TMEM163: variants seen among roughly 807,000 people sequenced by gnomAD.
TMEM163 encodes transmembrane protein 163.
A neutral mutation model predicts 29.3 loss-of-function variants in TMEM163; 17 were observed. The ratio of observed to expected loss-of-function variants is 0.58; its 90% CI spans 0.40 to 0.87. The LOEUF (loss-of-function observed/expected upper bound fraction) is 0.87. Ranked by LOEUF, TMEM163 falls within the 40% of genes least tolerant of loss-of-function variation. The pLI is 0.00. For missense variants in TMEM163, 303 were observed against 381.5 expected, an observed-to-expected ratio of 0.79 and a Z score of 1.71; for synonymous variants, 157 against 160.6, an observed-to-expected ratio of 0.98 and a Z score of 0.17.
At chr2:134,511,562 G>A (rs1340569875) in intron 4 of TMEM163, among the ~76,000 whole-genome samples, 2 of 152,202 alleles carry the variant, frequency 1.3e-5, no homozygotes, top group Non-Finnish European at 2.9e-5. Context: ...CAGGGACGCT[G>A]GAAGAGGTGA....
At position 134,455,984 on chromosome 2, in the gene TMEM163, A is replaced by G. The variant is rs889905073; in HGVS notation, c.*732T>C. On this transcript the variant is annotated 3_prime_UTR_variant, in exon 8 of 8. Transcript: ENST00000281924. ...ACACAGCATATAGATATATGCATAT[A>G]CGGATAGATTATATTTATTTATTAC... 1 of 152,680 alleles carries G rather than the reference A, an allele frequency of 6.5e-6. No individual in the cohort carries two copies. The highest frequency in any genetic ancestry group is 2.4e-5 in the African/African-American group (1 of 41,430). The allele number at this position is 152,680 out of a possible 1,614,324, so 9.5% of individuals were successfully genotyped here. A position where few individuals can be genotyped will look rare whatever the true frequency, so the allele number is the denominator to read the frequency against.
At chr2:134,635,328 G>C (rs568687594) in intron 2 of TMEM163, among the ~76,000 whole-genome samples, 2 of 152,200 alleles carry the variant, frequency 1.3e-5, no homozygotes, top group Admixed American at 1.3e-4. Flanking sequence ...GCATCCCTGA[G>C]CCACCCCCTC....
At chr2:134,621,771 G>T (rs1047611789) in intron 2 of TMEM163, among the ~76,000 whole-genome samples, 9 of 151,894 alleles carry the variant, frequency 5.9e-5, no homozygotes, top group Non-Finnish European at 1.3e-4. Context: ...GGCGCCTGTA[G>T]TCCCAGCTAC....
chr2:134,574,423 G>A (rs147509956), intron 2 of TMEM163, among the ~76,000 whole-genome samples: 1 of 152,208 alleles, frequency 6.6e-6, no homozygotes, highest in African/African-American at 2.4e-5. Context: ...AGCCAGGTAC[G>A]GTGGCATGCA....
chr2:134,462,484 C>G (rs986095369), intron 6 of TMEM163, among the ~76,000 whole-genome samples: 1 of 152,232 alleles, frequency 6.6e-6, no homozygotes, highest in African/African-American at 2.4e-5. Flanking sequence ...CCCCCATGCC[C>G]CTTCCTCACT....
intron 7 of TMEM163, among the ~76,000 whole-genome samples, chr2:134,457,535 G>A (rs1218122752): frequency 6.6e-6 from 1 of 152,322 alleles, no homozygotes; most frequent in East Asian, 1.9e-4. Context: ...CTCCAGCCTG[G>A]GTGCTGAAGT....
chr2:134,485,499 C>G (rs1679287156), intron 5 of TMEM163, among the ~76,000 whole-genome samples: 1 of 152,152 alleles, frequency 6.6e-6, no homozygotes, highest in African/African-American at 2.4e-5. Flanking sequence ...GTAAGTGAGT[C>G]TGAAGTCCAC....
At chr2:134,710,841 T>A (rs537446766) in intron 2 of TMEM163, among the ~76,000 whole-genome samples, 1 of 150,656 alleles carries the variant, frequency 6.6e-6, no homozygotes, top group South Asian at 2.2e-4. Context: ...AGGCACACAC[T>A]CCAAAACTTC....
chr2:134,471,411 G>A (rs529290474), intron 5 of TMEM163, among the ~76,000 whole-genome samples: 1 of 152,058 alleles, frequency 6.6e-6, no homozygotes, highest in African/African-American at 2.4e-5. Flanking sequence ...GCCACATGAG[G>A]ACACATGAGG....
At chr2:134,493,718 C>T (rs1050776675) in intron 5 of TMEM163, among the ~76,000 whole-genome samples, 9 of 152,144 alleles carry the variant, frequency 5.9e-5, no homozygotes, top group Admixed American at 5.2e-4. Flanking sequence ...AAGATTGCAA[C>T]AATTTTCTCT....
intron 2 of TMEM163, among the ~76,000 whole-genome samples, chr2:134,670,991 C>T (rs923682809): frequency 6.6e-6 from 1 of 152,178 alleles, no homozygotes; most frequent in Non-Finnish European, 1.5e-5. Flanking sequence ...GAACTCAATC[C>T]CTGCCCTGTG....
chr2:134,557,417 T>C (rs889295609), intron 2 of TMEM163, among the ~76,000 whole-genome samples: 2 of 152,202 alleles, frequency 1.3e-5, no homozygotes, highest in Non-Finnish European at 1.5e-5. Context: ...GACATGCCCA[T>C]GACACAGCCT....
chr2:134,556,066 CT>C (rs1299463077), intron 2 of TMEM163, among the ~76,000 whole-genome samples: 1 of 152,136 alleles, frequency 6.6e-6, no homozygotes, highest in Non-Finnish European at 1.5e-5. Context: ...AGATAGGAGG[CT>C]GAATACAGGA....
At chr2:134,652,618 T>C (rs1315660226) in intron 2 of TMEM163, among the ~76,000 whole-genome samples, 1 of 117,488 alleles carries the variant, frequency 8.5e-6, no homozygotes, top group Non-Finnish European at 1.7e-5. Flanking sequence ...ATCCCTGTCT[T>C]GTGCCAGTTT....
At chr2:134,601,343 C>T (rs1405228152) in intron 2 of TMEM163, among the ~76,000 whole-genome samples, 1 of 152,198 alleles carries the variant, frequency 6.6e-6, no homozygotes, top group Admixed American at 6.5e-5. Flanking sequence ...CACCAGCCTT[C>T]CCTCCCTCTC....
At chr2:134,713,129 A>T in intron 2 of TMEM163, 71 bp downstream of exon 2, 1 of 1,567,262 alleles carries the variant, frequency 6.4e-7, no homozygotes, top group Non-Finnish European at 8.6e-7. Context: ...GCAAAAGCAC[A>T]TCCCACAGGA....
Position 134,699,586 on chromosome 2 carries a change from C to T in TMEM163, c.322+13614G>A, listed in dbSNP as rs557153099. Among the ~76,000 whole-genome samples the T allele has an allele frequency of 3.9e-5, 6 of 152,244 alleles. No individual in the cohort carries two copies. The South Asian group carries it at 1.2e-3, about 32-fold the overall frequency. On this transcript the variant is annotated intron_variant, in intron 2 of 7. Coordinates refer to ENST00000281924, the MANE Select transcript of TMEM163 (RefSeq NM_030923.5). ...ACATATTCTGATATATTCTACATCA[C>T]ATATGCATTCCCTGTTATGGATGGC...
intron 2 of TMEM163, among the ~76,000 whole-genome samples, chr2:134,593,340 C>T (rs757009192): frequency 9.9e-5 from 15 of 152,158 alleles, no homozygotes; most frequent in Non-Finnish European, 1.9e-4. Context: ...AGAGCACAGC[C>T]TGACAGCTAC....
intron 2 of TMEM163, among the ~76,000 whole-genome samples, chr2:134,675,399 G>A (rs1470774658): frequency 1.3e-5 from 2 of 152,162 alleles, no homozygotes; most frequent in East Asian, 1.9e-4. Flanking sequence ...ATCGCCTGAG[G>A]TTTTTCAAAA....
Sources: allele counts gnomAD v4.1 joint callset (sites outside exome capture counted in the v4.1 genomes callset), GRCh38; gene constraint gnomAD v4.1.1; transcripts MANE v1.5; gene names NCBI Gene and HGNC (gene_info 2026-07-23, HGNC 2026-07-21).